CNBD1: variants seen among roughly 807,000 people sequenced by gnomAD.
CNBD1 encodes cyclic nucleotide-binding domain-containing protein 1.
A neutral mutation model predicts 54.4 loss-of-function variants in CNBD1; 71 were observed. The observed-to-expected ratio is 1.30, with a 90% CI of 1.08 to 1.59. The LOEUF is 1.59. CNBD1 is among the 40% of genes most tolerant of loss of function. CNBD1 has a pLI of 0.00. For synonymous variants in CNBD1, 182 were observed against 170.7 expected (o/e 1.07, Z -0.51); for missense variants, 659 against 518.0 (o/e 1.27, Z -2.64).
chr8:87,198,346 C>T (rs1316946588), intron 4 of CNBD1, among the ~76,000 whole-genome samples: 1 of 152,126 alleles, frequency 6.6e-6, no homozygotes. Context: ...ATTCACAGGG[C>T]GTTGTTGTTA....
At chr8:87,401,507 T>C (rs1807563577) in intron 2 of CNBD1, among the ~76,000 whole-genome samples, 1 of 152,098 alleles carries the variant, frequency 6.6e-6, no homozygotes, top group Non-Finnish European at 1.5e-5. Flanking sequence ...ATAGGATATG[T>C]GTTCTGTGCT....
chr8:86,897,240 T>C (rs1369456167), intron 2 of CNBD1, among the ~76,000 whole-genome samples: 2 of 152,120 alleles, frequency 1.3e-5, no homozygotes, highest in East Asian at 3.8e-4. Context: ...GTCTTGAAAC[T>C]CACCAAATCA....
chr8:87,148,739 G>A (rs1437075738), intron 4 of CNBD1, among the ~76,000 whole-genome samples: 1 of 152,152 alleles, frequency 6.6e-6, no homozygotes, highest in Non-Finnish European at 1.5e-5. Flanking sequence ...AAATAATATG[G>A]TAGGAGCCTT....
chr8:87,024,686 G>T (rs945385938), intron 4 of CNBD1, among the ~76,000 whole-genome samples: 5 of 152,040 alleles, frequency 3.3e-5, no homozygotes, highest in Non-Finnish European at 5.9e-5. Flanking sequence ...ATTATTTTTG[G>T]TTTTTGTAGA....
intron 4 of CNBD1, among the ~76,000 whole-genome samples, chr8:87,109,055 C>T (rs1271988295): frequency 2.6e-5 from 4 of 151,986 alleles, no homozygotes; most frequent in Admixed American, 2.0e-4. Flanking sequence ...TTAATATATT[C>T]AGTTTATCCA....
chr8:87,341,387 CTTTT>C (rs551768295), intron 8 of CNBD1, among the ~76,000 whole-genome samples: 36 of 152,168 alleles, frequency 2.4e-4, no homozygotes, highest in African/African-American at 8.4e-4. Flanking sequence ...ATGTTTCAGT[CTTTT>C]TTTCCATCCC....
chr8:87,378,484 G>C (rs952431305), intron 10 of CNBD1, among the ~76,000 whole-genome samples: 25 of 151,144 alleles, frequency 1.7e-4, no homozygotes, highest in Middle Eastern at 3.4e-3. Flanking sequence ...CATTATTTCT[G>C]AGGGCTCCAT....
At chr8:87,330,750 A>G (rs1452966567) in intron 8 of CNBD1, among the ~76,000 whole-genome samples, 5 of 152,184 alleles carry the variant, frequency 3.3e-5, no homozygotes, top group African/African-American at 9.6e-5. Flanking sequence ...AAGAATATGT[A>G]TGCTGCTGTT....
chr8:87,424,378 T>A (rs1053398995), intron 2 of CNBD1, among the ~76,000 whole-genome samples: 5 of 152,172 alleles, frequency 3.3e-5, no homozygotes, highest in Non-Finnish European at 7.3e-5. Context: ...AGGGTGTCAA[T>A]TTTGGATCTT....
chr8:86,880,234 G>A lies in CNBD1; in HGVS notation c.89-7308G>A, dbSNP rs112794259. ...CCCTACTTGGTGACTTCTGATTAAC[G>A]ATCCTTATTGTCATTGGGATTACAG... On this transcript the variant is annotated intron_variant, in intron 1 of 10. Transcript: ENST00000518476. 2.6e-3 allele frequency among the ~76,000 whole-genome samples: 393 copies of A among 151,856 alleles called. 4 individuals are homozygous for A. Among genetic ancestry groups the A allele is most frequent in the African/African-American group, 8.9e-3 (369 of 41,396 alleles).
chr8:86,879,792 A>G (rs1320793952), intron 1 of CNBD1, among the ~76,000 whole-genome samples: 2 of 152,090 alleles, frequency 1.3e-5, no homozygotes, highest in Non-Finnish European at 2.9e-5. Flanking sequence ...GAATGACGTT[A>G]ACCCAGGAGG....
chr8:87,383,403 A>G (rs1158601579), downstream of CNBD1, among the ~76,000 whole-genome samples: 1 of 152,080 alleles, frequency 6.6e-6, no homozygotes, highest in Non-Finnish European at 1.5e-5. Context: ...GTCTGACACA[A>G]TATTAGGTGC....
intron 1 of CNBD1, among the ~76,000 whole-genome samples, chr8:86,878,177 C>G (rs1160488667): frequency 2.7e-5 from 4 of 150,838 alleles, no homozygotes; most frequent in Non-Finnish European, 5.9e-5. Context: ...AATTATTATT[C>G]TAGTGCATAC....
At chr8:87,014,843 A>G (rs1809319726) in intron 4 of CNBD1, among the ~76,000 whole-genome samples, 1 of 152,028 alleles carries the variant, frequency 6.6e-6, no homozygotes, top group African/African-American at 2.4e-5. Context: ...TTAAAGATGT[A>G]GAAAGATATT....
intron 8 of CNBD1, among the ~76,000 whole-genome samples, chr8:87,317,592 A>G (rs930292933): frequency 1.3e-5 from 2 of 151,676 alleles, no homozygotes; most frequent in Non-Finnish European, 2.9e-5. Context: ...ACTTAATTCC[A>G]TTTTGGCCAA....
intron 8 of CNBD1, among the ~76,000 whole-genome samples, chr8:87,308,289 G>A (rs1188035577): frequency 6.6e-6 from 1 of 152,078 alleles, no homozygotes; most frequent in East Asian, 1.9e-4. Flanking sequence ...CTACCAAGAG[G>A]ATGGGTGTGT....
At chr8:87,336,920 ATTGT>A (rs1036420251) in intron 8 of CNBD1, among the ~76,000 whole-genome samples, 6 of 151,222 alleles carry the variant, frequency 4.0e-5, no homozygotes, top group Middle Eastern at 3.4e-3. Context: ...TTGCTTTCTG[ATTGT>A]TTGTTTTTCT....
intron 4 of CNBD1, among the ~76,000 whole-genome samples, chr8:86,985,321 G>A (rs1315227804): frequency 6.6e-6 from 1 of 152,012 alleles, no homozygotes; most frequent in South Asian, 2.1e-4. Flanking sequence ...TAAGGTTTGG[G>A]TTATTGATCT....
At chr8:87,305,677 G>T (rs570615135) in intron 8 of CNBD1, among the ~76,000 whole-genome samples, 1 of 152,178 alleles carries the variant, frequency 6.6e-6, no homozygotes, top group Admixed American at 6.5e-5. Flanking sequence ...TTCAACAAAT[G>T]GTGTTGGGAT....
Sources: allele counts gnomAD v4.1 joint callset (sites outside exome capture counted in the v4.1 genomes callset), GRCh38; gene constraint gnomAD v4.1.1; transcripts MANE v1.5; gene names NCBI Gene and HGNC (gene_info 2026-07-23, HGNC 2026-07-21).